GRM3: variants seen among roughly 807,000 people sequenced by gnomAD.
The protein encoded by GRM3 is metabotropic glutamate receptor 3.
A neutral mutation model predicts 70.5 loss-of-function variants in GRM3; 26 were observed. That is an observed-to-expected ratio of 0.37 (90% confidence interval 0.27 to 0.51). GRM3 has a LOEUF of 0.51. Ranked by LOEUF, GRM3 falls within the 20% of genes least tolerant of loss-of-function variation. GRM3 has a pLI of 0.93. For missense variants in GRM3, 859 were observed against 1,123.8 expected (o/e 0.76, Z 3.37); for synonymous variants, 443 against 434.9 (o/e 1.02, Z -0.23).
intron 2 of GRM3, among the ~76,000 whole-genome samples, chr7:86,770,164 G>A (rs1796701899): frequency 6.6e-6 from 1 of 152,120 alleles, no homozygotes; most frequent in African/African-American, 2.4e-5. Context: ...CATTTCTTCA[G>A]TTTTTCTTGC....
chr7:86,671,304 A>C (rs1347295619), intron 1 of GRM3, among the ~76,000 whole-genome samples: 3 of 152,218 alleles, frequency 2.0e-5, no homozygotes, highest in Non-Finnish European at 2.9e-5. Context: ...GTAATTATGT[A>C]ATCTCCATGT....
intron 2 of GRM3, among the ~76,000 whole-genome samples, chr7:86,771,484 T>C (rs1367043486): frequency 2.0e-5 from 3 of 152,054 alleles, no homozygotes; most frequent in Non-Finnish European, 4.4e-5. Context: ...TATAAAAGCA[T>C]TTTTATCAGA....
chr7:86,818,430 G>C (rs1391591541), intron 3 of GRM3, among the ~76,000 whole-genome samples: 1 of 152,014 alleles, frequency 6.6e-6, no homozygotes, highest in Non-Finnish European at 1.5e-5. Flanking sequence ...GAGTCATGTA[G>C]ACCTGAGTTT....
In GRM3 at chr7:86,839,440, A is replaced by G. The variant is rs755728577; in HGVS notation, c.1926A>G (p.Ala642=). Residue 642 remains alanine, a synonymous_variant, in exon 4 of 6, where the codon GCA becomes GCG. Coordinates refer to ENST00000361669, the MANE Select transcript of GRM3 (RefSeq NM_000840.3). The surrounding 1 kb of genome is among the most constrained non-coding windows in gnomAD (Gnocchi z 4.5). ...FIAKPSPVIC[A]LRRLGLGSSF... Reference sequence around the variant, plus strand: ...CCAAGCCATCACCAGTCATCTGTGCATTGCGCCGACTCGGGCTGGGGAGTT... The same window carrying G: ...CCAAGCCATCACCAGTCATCTGTGCGTTGCGCCGACTCGGGCTGGGGAGTT... 5 of 1,613,810 alleles carry G rather than the reference A, an allele frequency of 3.1e-6. No homozygotes were observed. The highest frequency in any genetic ancestry group is 1.3e-5 in the African/African-American group (1 of 74,998).
intron 1 of GRM3, among the ~76,000 whole-genome samples, chr7:86,689,292 G>A (rs370585527): frequency 6.6e-6 from 1 of 151,822 alleles, no homozygotes; most frequent in East Asian, 1.9e-4. Flanking sequence ...AAACTACTAA[G>A]CTCCTGAGGT....
At chr7:86,827,597 T>G (rs1798260336) in intron 3 of GRM3, among the ~76,000 whole-genome samples, 1 of 151,892 alleles carries the variant, frequency 6.6e-6, no homozygotes, top group South Asian at 2.1e-4. Context: ...CATTGCAACC[T>G]CTGCCTCCCG....
chr7:86,861,626 C>G (rs1246619904), intron 5 of GRM3, among the ~76,000 whole-genome samples: 3 of 151,966 alleles, frequency 2.0e-5, no homozygotes, highest in Non-Finnish European at 4.4e-5. Context: ...CCTAGAGAGG[C>G]AAAGGCTACT....
chr7:86,650,388 C>T (rs1048003890), intron 1 of GRM3, among the ~76,000 whole-genome samples: 10 of 151,762 alleles, frequency 6.6e-5, no homozygotes, highest in Admixed American at 2.0e-4. Context: ...ATTTATTTTA[C>T]CAGGCTTCAT....
intron 1 of GRM3, among the ~76,000 whole-genome samples, chr7:86,712,464 C>T (rs954934418): frequency 1.3e-5 from 2 of 152,084 alleles, no homozygotes; most frequent in African/African-American, 2.4e-5. Context: ...TATACATCAC[C>T]TTGAATATTT....
intron 3 of GRM3, 56 bp downstream of exon 3, chr7:86,787,172 G>C: frequency 7.3e-7 from 1 of 1,376,162 alleles, no homozygotes; most frequent in South Asian, 1.3e-5. Context: ...AATAAAATAG[G>C]AATCAAATGC....
intron 5 of GRM3, among the ~76,000 whole-genome samples, chr7:86,852,766 A>G (rs1191144170): frequency 6.6e-6 from 1 of 152,034 alleles, no homozygotes. Context: ...TGTTATTTGC[A>G]TTTTTACTCT....
intron 4 of GRM3, among the ~76,000 whole-genome samples, chr7:86,842,719 C>T (rs1798581250): frequency 6.6e-6 from 1 of 152,094 alleles, no homozygotes; most frequent in African/African-American, 2.4e-5. Context: ...GGCATGATTC[C>T]AGTCTTCACA....
At chr7:86,713,192 A>G (rs1317946511) in intron 1 of GRM3, among the ~76,000 whole-genome samples, 2 of 152,036 alleles carry the variant, frequency 1.3e-5, no homozygotes, top group South Asian at 2.1e-4. Context: ...GTGAGATGAC[A>G]TCTCATTTTG....
intron 4 of GRM3, among the ~76,000 whole-genome samples, chr7:86,840,627 A>G (rs1020688559): frequency 3.3e-5 from 5 of 152,026 alleles, no homozygotes; most frequent in African/African-American, 1.2e-4. Context: ...TAATATTCCA[A>G]ACTGTTAAAA....
At chr7:86,665,515 A>G (rs1470542306) in intron 1 of GRM3, among the ~76,000 whole-genome samples, 4 of 152,024 alleles carry the variant, frequency 2.6e-5, no homozygotes, top group African/African-American at 9.7e-5. Flanking sequence ...TAGTAACAAT[A>G]TCTTACTATC....
intron 3 of GRM3, among the ~76,000 whole-genome samples, chr7:86,798,037 G>A (rs1005566497): frequency 2.0e-5 from 3 of 152,242 alleles, no homozygotes; most frequent in African/African-American, 7.2e-5. Context: ...CCTCAGCCTG[G>A]ATTTCAGAGG....
chr7:86,812,786 A>G (rs555180266), intron 3 of GRM3, among the ~76,000 whole-genome samples: 8 of 151,906 alleles, frequency 5.3e-5, no homozygotes, highest in African/African-American at 1.4e-4. Flanking sequence ...AGTGGAAATG[A>G]TAGGATTGTT....
intron 4 of GRM3, among the ~76,000 whole-genome samples, chr7:86,846,848 G>A (rs961787247): frequency 3.9e-5 from 6 of 152,148 alleles, no homozygotes; most frequent in African/African-American, 1.2e-4. Context: ...GTCTGTTGGC[G>A]TTTCTTCCTC....
In GRM3 at chr7:86,769,602, A is replaced by T. The variant is rs575631683; in HGVS notation, c.468+3989A>T. Among the ~76,000 whole-genome samples, 4 of 152,244 alleles carry T rather than the reference A, an allele frequency of 2.6e-5. No individual in the cohort carries two copies. In the South Asian group the frequency reaches 8.3e-4, roughly 32 times the overall value. On this transcript the variant is annotated intron_variant, in intron 2 of 5. Coordinates refer to ENST00000361669, the MANE Select transcript of GRM3 (RefSeq NM_000840.3). ...GATAGAAACTTTTCCGGAAGGCAGCATAGGAGATATGCCATGCTGTGTTAG... is the reference window on the plus strand; with the variant it reads ...GATAGAAACTTTTCCGGAAGGCAGCTTAGGAGATATGCCATGCTGTGTTAG...
Sources: gnomAD v4.1 joint callset for allele counts (sites outside exome capture counted in the v4.1 genomes callset) on GRCh38, gnomAD v4.1.1 for gene constraint, Gnocchi (gnomAD v3.1) non-coding constraint, MANE v1.5 for transcripts, NCBI Gene and HGNC (gene_info 2026-07-23, HGNC 2026-07-21) for gene names.